RBPJ: variants seen among roughly 807,000 people sequenced by gnomAD.
The protein encoded by RBPJ is recombination signal binding protein for immunoglobulin kappa J region.
In RBPJ, 9 loss-of-function variants were observed where a neutral mutation model predicts 67.8. That is an observed-to-expected ratio of 0.13 (90% CI 0.08 to 0.23). The LOEUF is 0.23. RBPJ is among the 10% of genes least tolerant of loss of function. RBPJ has a pLI of 1.00. For missense variants in RBPJ, 305 were observed against 595.6 expected, an observed-to-expected ratio of 0.51 and a Z score of 5.08; for synonymous variants, 198 against 203.3, an observed-to-expected ratio of 0.97 and a Z score of 0.22.
intron 1 of RBPJ, among the ~76,000 whole-genome samples, chr4:26,289,383 T>C (rs1721586124): frequency 3.4e-5 from 1 of 29,186 alleles, no homozygotes; most frequent in Non-Finnish European, 5.7e-5. Context: ...AGACTTGGTC[T>C]CAAAAAAAAA....
chr4:26,195,938 ATT>A (rs1717746065), intron 1 of RBPJ, among the ~76,000 whole-genome samples: 1 of 152,070 alleles, frequency 6.6e-6, no homozygotes, highest in Non-Finnish European at 1.5e-5. Flanking sequence ...GAGTGTCGTT[ATT>A]TTCAAATTGA....
At chr4:26,406,111 T>G in intron 2 of RBPJ, 64 bp from the exon 3 acceptor site, 1 of 1,047,252 alleles carries the variant, frequency 9.5e-7, no homozygotes, top group Non-Finnish European at 1.5e-6. Context: ...CAGAGCGTAG[T>G]AATGATGAAA....
At chr4:26,343,890 A>C (rs1215978730) in intron 1 of RBPJ, among the ~76,000 whole-genome samples, 1 of 151,750 alleles carries the variant, frequency 6.6e-6, no homozygotes, top group Non-Finnish European at 1.5e-5. Flanking sequence ...AGGTGGGATT[A>C]CAGGCGCCCG....
At chr4:26,427,236 T>C (rs1187913833) in intron 7 of RBPJ, among the ~76,000 whole-genome samples, 1 of 152,082 alleles carries the variant, frequency 6.6e-6, no homozygotes, top group Non-Finnish European at 1.5e-5. Context: ...GCATCAAGGG[T>C]GACTCTTAAG....
intron 1 of RBPJ, among the ~76,000 whole-genome samples, chr4:26,301,461 G>T (rs1426965212): frequency 6.6e-6 from 1 of 151,716 alleles, no homozygotes; most frequent in African/African-American, 2.4e-5. Context: ...GCGTGGTGGC[G>T]GGCGCCTGTA....
intron 1 of RBPJ, among the ~76,000 whole-genome samples, chr4:26,202,721 A>C (rs1261859618): frequency 6.6e-6 from 1 of 152,056 alleles, no homozygotes. Flanking sequence ...CAGCCTGGAC[A>C]ACATGGCAAA....
At chr4:26,270,421 GAAAGAAAGAAAGAAAGAAGAAAGA>G (rs1720868245) in intron 1 of RBPJ, among the ~76,000 whole-genome samples, 1 of 53,434 alleles carries the variant, frequency 1.9e-5, no homozygotes, top group Non-Finnish European at 5.0e-5. Context: ...AAGAAAGAAA[GAAAGAAAGAAAGAAAGAAGAAAGA>G]AAGAAAGAAA....
intron 1 of RBPJ, among the ~76,000 whole-genome samples, chr4:26,330,107 A>T (rs925291370): frequency 6.6e-6 from 1 of 152,250 alleles, no homozygotes; most frequent in Non-Finnish European, 1.5e-5. Flanking sequence ...AGGTGAACAG[A>T]TACAAGAGAA....
upstream of RBPJ, among the ~76,000 whole-genome samples, chr4:26,316,428 CAT>C (rs536771568): frequency 1.2e-3 from 145 of 123,546 alleles, no homozygotes; most frequent in East Asian, 0.017. Context: ...TATATACATT[CAT>C]ATATACATTC....
intron 1 of RBPJ, among the ~76,000 whole-genome samples, chr4:26,211,180 C>T (rs1419180892): frequency 2.6e-5 from 4 of 152,140 alleles, no homozygotes; most frequent in African/African-American, 9.7e-5. Flanking sequence ...GTACCATATG[C>T]ACGTGTATGT....
Position 26,231,388 on chromosome 4 carries a change from T to C in RBPJ, c.-167+67774T>C, listed in dbSNP as rs908568880. 5.3e-5 allele frequency among the ~76,000 whole-genome samples: 8 copies of C among 151,980 alleles called. 1 individual carries two copies. In the South Asian group the frequency reaches 1.7e-3, roughly 32 times the overall value. On this transcript the variant is annotated intron_variant, in intron 1 of 4. Transcript: ENST00000512351. Reference sequence around the variant, plus strand: ...AGGAGATGTACCTAATACTTTTTTTTTAACTTTTTACTTTTTTTAATTGCA... The same window carrying C: ...AGGAGATGTACCTAATACTTTTTTTCTAACTTTTTACTTTTTTTAATTGCA...
intron 1 of RBPJ, among the ~76,000 whole-genome samples, chr4:26,303,201 TA>T (rs1185366698): frequency 7.0e-6 from 1 of 143,374 alleles, no homozygotes; most frequent in Admixed American, 7.0e-5. Flanking sequence ...AATAAATAAA[TA>T]AATAAATAAA....
At chr4:26,215,212 AAG>A (rs1442080370) in intron 1 of RBPJ, among the ~76,000 whole-genome samples, 2 of 22,328 alleles carry the variant, frequency 9.0e-5, no homozygotes, top group Non-Finnish European at 1.5e-4. Flanking sequence ...GAGAGAAAGA[AAG>A]AGAAAAAGAG....
the RBPJ span, among the ~76,000 whole-genome samples, chr4:26,126,381 T>G: frequency 6.6e-6 from 1 of 152,180 alleles, no homozygotes; most frequent in African/African-American, 2.4e-5. Context: ...CATTGTGTAT[T>G]TTGAGGTGGG....
chr4:26,135,188 G>A, the RBPJ span, among the ~76,000 whole-genome samples: 1 of 152,124 alleles, frequency 6.6e-6, no homozygotes, highest in Non-Finnish European at 1.5e-5. Context: ...GGATTTAAGA[G>A]GGTCTACATC....
chr4:26,408,005 G>A (rs1256239253), intron 3 of RBPJ, among the ~76,000 whole-genome samples: 1 of 146,882 alleles, frequency 6.8e-6, no homozygotes, highest in African/African-American at 2.5e-5. Flanking sequence ...CACCTGAGTA[G>A]CTGGGACTAC....
intron 1 of RBPJ, among the ~76,000 whole-genome samples, chr4:26,257,972 G>A (rs1720398382): frequency 6.6e-6 from 1 of 152,150 alleles, no homozygotes; most frequent in African/African-American, 2.4e-5. Flanking sequence ...ATGGTGGCTC[G>A]GTATGAGAAC....
chr4:26,365,871 G>A (rs1293901848), intron 1 of RBPJ, among the ~76,000 whole-genome samples: 1 of 152,216 alleles, frequency 6.6e-6, no homozygotes, highest in Non-Finnish European at 1.5e-5. Flanking sequence ...AGTGGCTTTT[G>A]AGTAACATTA....
At chr4:26,370,814 C>T (rs1420566190) in intron 1 of RBPJ, among the ~76,000 whole-genome samples, 1 of 152,254 alleles carries the variant, frequency 6.6e-6, no homozygotes, top group South Asian at 2.1e-4. Flanking sequence ...GGTACACTGG[C>T]TCACGCCTGT....
Sources: allele counts gnomAD v4.1 joint callset (sites outside exome capture counted in the v4.1 genomes callset), GRCh38; gene constraint gnomAD v4.1.1; transcripts MANE v1.5; gene names NCBI Gene and HGNC (gene_info 2026-07-23, HGNC 2026-07-21).